Variants in BMPR2 observed in about 807,000 individuals in gnomAD.
BMPR2 encodes bone morphogenetic protein receptor type 2, also known as bone morphogenetic protein receptor type-2.
BMPR2 carries 29 observed loss-of-function variants against 100.8 expected under a neutral mutation model. That is an observed-to-expected ratio of 0.29 (90% CI 0.21 to 0.39). The LOEUF (loss-of-function observed/expected upper bound fraction) is 0.39. BMPR2 is among the 10% of genes least tolerant of loss of function. The pLI, the probability that BMPR2 is intolerant of heterozygous loss-of-function variation, is 1.00. For missense variants in BMPR2, 1,011 were observed against 1,274.5 expected (o/e 0.79, Z 3.15); for synonymous variants, 382 against 442.3 (o/e 0.86, Z 1.71).
intron 8 of BMPR2, 39 bp downstream of exon 8, chr2:202,530,993 A>C: frequency 6.2e-7 from 1 of 1,610,930 alleles, no homozygotes; most frequent in South Asian, 1.1e-5. Flanking sequence ...ATGTACTTTG[A>C]AATGATAATT....
chr2:202,412,181 G>GTAT (rs1266930601), intron 1 of BMPR2, among the ~76,000 whole-genome samples: 21 of 152,192 alleles, frequency 1.4e-4, no homozygotes, highest in African/African-American at 5.1e-4. Context: ...AGACACATGC[G>GTAT]TATGTGTCTC....
At chr2:202,433,152 C>CA (rs1691540057) in intron 1 of BMPR2, among the ~76,000 whole-genome samples, 1 of 150,538 alleles carries the variant, frequency 6.6e-6, no homozygotes, top group South Asian at 2.1e-4. Flanking sequence ...TAGAGGCAAG[C>CA]ATGCTCTCTG....
chr2:202,379,838 TTTTCTTTC>T lies in BMPR2; in HGVS notation c.76+2312_76+2319del, dbSNP rs3044179. On this transcript the variant is annotated intron_variant, in intron 1 of 12. Transcript: ENST00000374580. ...CTTGGACTCCTTAATTCTTAGAACA[TTTTCTTTC>T]TTTCTTTCTTTCTTTCTTTCTTTTT... 6.6e-3 allele frequency among the ~76,000 whole-genome samples: 999 copies of T among 150,450 alleles called. 15 individuals are homozygous for T. Among genetic ancestry groups the T allele is most frequent in the African/African-American group, 0.023 (937 of 40,960 alleles).
At chr2:202,430,929 A>G (rs367653670) in intron 1 of BMPR2, among the ~76,000 whole-genome samples, 2 of 149,684 alleles carry the variant, frequency 1.3e-5, no homozygotes, top group Non-Finnish European at 2.9e-5. Context: ...ATTGCACTCC[A>G]GTCTGGGCAA....
At chr2:202,387,213 G>A (rs1398274616) in intron 1 of BMPR2, among the ~76,000 whole-genome samples, 1 of 152,190 alleles carries the variant, frequency 6.6e-6, no homozygotes, top group African/African-American at 2.4e-5. Context: ...TTAGGTTTAA[G>A]ATACCTTATT....
At chr2:202,553,172 G>GTT (rs1688511538) in intron 11 of BMPR2, among the ~76,000 whole-genome samples, 1 of 151,898 alleles carries the variant, frequency 6.6e-6, no homozygotes, top group African/African-American at 2.4e-5. Context: ...AAGGTAAAAT[G>GTT]TTTTTATAAC....
At position 202,538,419 on chromosome 2, in the gene BMPR2, T is replaced by TGCCCTCCATC. The variant is rs1688205170; in HGVS notation, c.1277-3891_1277-3882dup. ...TGCAGTGAGCCGAGATTGCCTCCAT[T>TGCCCTCCATC]GCCCTCCATCCTGGGCAACAGAGCG... On this transcript the variant is annotated intron_variant, in intron 9 of 12. Coordinates refer to ENST00000374580, the MANE Select transcript of BMPR2 (RefSeq NM_001204.7). Among the ~76,000 whole-genome samples the TGCCCTCCATC allele has an allele frequency of 4.6e-5, 7 of 151,320 alleles. No individual in the cohort carries two copies. In the South Asian group the frequency reaches 1.0e-3, roughly 23 times the overall value.
At chr2:202,425,158 C>G (rs796119163) in intron 1 of BMPR2, among the ~76,000 whole-genome samples, 12 of 152,188 alleles carry the variant, frequency 7.9e-5, no homozygotes, top group African/African-American at 2.9e-4. Context: ...AGGTGATCCA[C>G]CTGCCTCACC....
intron 7 of BMPR2, 21 bp from the exon 8 acceptor site, chr2:202,530,773 T>C: frequency 1.9e-6 from 3 of 1,584,236 alleles, no homozygotes; most frequent in Non-Finnish European, 2.6e-6. Flanking sequence ...CATTGATAAA[T>C]ATTTGAAATT....
intron 1 of BMPR2, among the ~76,000 whole-genome samples, chr2:202,385,134 TA>T (rs1193709772): frequency 2.6e-5 from 4 of 152,114 alleles, no homozygotes; most frequent in Admixed American, 1.3e-4. Flanking sequence ...GATGAGGAAA[TA>T]GTTAAGACTT....
At chr2:202,548,383 G>A (rs769294422) in intron 10 of BMPR2, among the ~76,000 whole-genome samples, 2 of 151,966 alleles carry the variant, frequency 1.3e-5, no homozygotes, top group African/African-American at 4.8e-5. Flanking sequence ...GCCTAGGAAT[G>A]TGAAGCTGTA....
intron 1 of BMPR2, among the ~76,000 whole-genome samples, chr2:202,411,446 T>G (rs1313512553): frequency 3.9e-5 from 6 of 152,224 alleles, no homozygotes; most frequent in African/African-American, 1.4e-4. Context: ...ACAAAATTAC[T>G]TTCCTTGTAG....
At chr2:202,450,568 A>G (rs1006577727) in intron 1 of BMPR2, among the ~76,000 whole-genome samples, 7 of 151,532 alleles carry the variant, frequency 4.6e-5, no homozygotes, top group Non-Finnish European at 5.9e-5. Flanking sequence ...GCGCATGCCT[A>G]TAATCCCAGC....
Position 202,557,623 on chromosome 2 carries a change from C to T in BMPR2, c.2866+1092C>T, listed in dbSNP as rs142138211. Reference sequence around the variant, plus strand: ...CGGAGGTTGCAGTGAGCTGAGATTGCGCCATTGTACTCCAGCCTGGGCAGC... The same window carrying T: ...CGGAGGTTGCAGTGAGCTGAGATTGTGCCATTGTACTCCAGCCTGGGCAGC... On this transcript the variant is annotated intron_variant, in intron 12 of 12. Transcript: ENST00000374580. 2.0e-3 allele frequency among the ~76,000 whole-genome samples: 302 copies of T among 152,026 alleles called. 1 individual carries two copies. The highest frequency in any genetic ancestry group is 6.6e-3 in the African/African-American group (273 of 41,452).
At chr2:202,518,296 C>T (rs1574488053) in intron 5 of BMPR2, among the ~76,000 whole-genome samples, 1 of 151,582 alleles carries the variant, frequency 6.6e-6, no homozygotes, top group Middle Eastern at 3.2e-3. Context: ...TGCCATGATA[C>T]CCGGCTAATT....
intron 3 of BMPR2, among the ~76,000 whole-genome samples, chr2:202,480,722 G>A (rs989393524): frequency 6.6e-6 from 1 of 151,878 alleles, no homozygotes; most frequent in Non-Finnish European, 1.5e-5. Flanking sequence ...GGGAGGCCGA[G>A]GCGGGTGGAT....
chr2:202,425,681 C>G (rs1691370583), intron 1 of BMPR2, among the ~76,000 whole-genome samples: 1 of 152,122 alleles, frequency 6.6e-6, no homozygotes, highest in African/African-American at 2.4e-5. Context: ...TTGGCAAAAT[C>G]ACATTTTGAA....
chr2:202,418,229 T>C (rs1691178674), intron 1 of BMPR2, among the ~76,000 whole-genome samples: 1 of 152,214 alleles, frequency 6.6e-6, no homozygotes, highest in South Asian at 2.1e-4. Flanking sequence ...CAGGCCCTTC[T>C]ACATGAGGAG....
chr2:202,380,497 G>A (rs1370088935), intron 1 of BMPR2, among the ~76,000 whole-genome samples: 1 of 152,046 alleles, frequency 6.6e-6, no homozygotes, highest in Non-Finnish European at 1.5e-5. Context: ...TGATAAAAAT[G>A]CATATTTTTG....
Sources: gnomAD v4.1 joint callset for allele counts (sites outside exome capture counted in the v4.1 genomes callset) on GRCh38, gnomAD v4.1.1 for gene constraint, MANE v1.5 for transcripts, NCBI Gene and HGNC (gene_info 2026-07-23, HGNC 2026-07-21) for gene names.